The following OTOF variants were observed in gnomAD, a reference collection of about 807,000 sequenced individuals.
OTOF encodes fer-1-like family member 2.
In OTOF, 218 loss-of-function variants were observed where a neutral mutation model predicts 236.8. That is an observed-to-expected ratio of 0.92 (90% CI 0.82 to 1.03). The LOEUF is 1.03. OTOF is among the 50% of genes least tolerant of loss of function. The pLI is 0.00. For missense variants in OTOF, 2,590 were observed against 2,694.4 expected (o/e 0.96, Z 0.86); for synonymous variants, 1,041 against 1,072.5 (o/e 0.97, Z 0.57).
At chr2:26,526,401 G>A (rs1344682696) in intron 3 of OTOF, among the ~76,000 whole-genome samples, 1 of 152,156 alleles carries the variant, frequency 6.6e-6, no homozygotes, top group African/African-American at 2.4e-5. Context: ...ATGAAAGGAT[G>A]GAAGGATGGA....
At chr2:26,558,354 G>T in intron 1 of OTOF, 139 bp downstream of exon 1, 1 of 746,990 alleles carries the variant, frequency 1.3e-6, no homozygotes, top group Non-Finnish European at 2.4e-6. Flanking sequence ...GACTACCTGT[G>T]AAAAGGCTCG....
chr2:26,485,542 G>C (rs1665679759), intron 11 of OTOF, among the ~76,000 whole-genome samples: 1 of 152,236 alleles, frequency 6.6e-6, no homozygotes. Flanking sequence ...AGGCGCTTTA[G>C]GAAGGATTTG....
At chr2:26,459,199 C>T (rs1403293937) in intron 46 of OTOF, among the ~76,000 whole-genome samples, 1 of 152,220 alleles carries the variant, frequency 6.6e-6, no homozygotes, top group Non-Finnish European at 1.5e-5. Flanking sequence ...TGTTGGCTAA[C>T]CCTGGCCACA....
chr2:26,494,659 G>C (rs34621430), intron 9 of OTOF, among the ~76,000 whole-genome samples: 2 of 143,000 alleles, frequency 1.4e-5, no homozygotes, highest in South Asian at 2.4e-4. Flanking sequence ...AGTGGGGTGG[G>C]GGGGGGTTCT....
chr2:26,542,363 C>A (rs758309556), intron 1 of OTOF, among the ~76,000 whole-genome samples: 1 of 152,224 alleles, frequency 6.6e-6, no homozygotes, highest in East Asian at 1.9e-4. Flanking sequence ...TAAGATCATT[C>A]GAATCTGAAC....
At position 26,477,680 on chromosome 2, in the gene OTOF, C is replaced by T; in HGVS notation, c.2284G>A (p.Gly762Ser). 1 of 1,612,524 alleles carries T rather than the reference C, an allele frequency of 6.2e-7. No individual in the cohort carries two copies. Among genetic ancestry groups the T allele is most frequent in the Non-Finnish European group, 8.5e-7 (1 of 1,179,964 alleles). The change falls in exon 19 of 47, where the codon GGC becomes AGC. Residue 762 changes from glycine to serine, a missense_variant. Around this residue, in one of 2 missense-constraint regions of OTOF, gnomAD observed 1,379 missense variants for 1,341.6 expected, o/e 1.03. Coordinates refer to ENST00000272371, the MANE Select transcript of OTOF (RefSeq NM_194248.3). This position sits in a 1 kb window ranked among gnomAD's most constrained non-coding sequence, Gnocchi z 4.7. Reference sequence around the variant, plus strand: ...CCACAGCTCAGCTCCTCCAGGACGCCCCGCAGGCGACGCTCAGGGTAGGAC... The same window carrying T: ...CCACAGCTCAGCTCCTCCAGGACGCTCCGCAGGCGACGCTCAGGGTAGGAC... ...EKSYPERRLRGVLEELSCGCC... is the reference protein window; with the variant it reads ...EKSYPERRLRSVLEELSCGCC...
In OTOF at chr2:26,457,633, T is replaced by A. The variant is rs1664251550; in HGVS notation, c.*605A>T. 1 of 179,670 alleles carries A rather than the reference T, an allele frequency of 5.6e-6. No individual in the cohort carries two copies. Among genetic ancestry groups the A allele is most frequent in the Non-Finnish European group, 1.2e-5 (1 of 84,610 alleles). 11.1% of individuals were successfully genotyped at this position (179,670 alleles called of 1,614,324 possible). A position where few individuals can be genotyped will look rare whatever the true frequency, so the allele number is the denominator to read the frequency against. ...GGCGGGGATACCTTTTGCTCGTTCA[T>A]TCTTTTTAAAGCCCTGGGCACTGAC... On this transcript the variant is annotated 3_prime_UTR_variant, in exon 47 of 47. Coordinates refer to ENST00000272371, the MANE Select transcript of OTOF (RefSeq NM_194248.3). The surrounding 1 kb of genome is among the most constrained non-coding windows in gnomAD (Gnocchi z 4.4).
In OTOF at chr2:26,534,838, C is replaced by T. The variant is rs13425468; in HGVS notation, c.138+2878G>A. 4.1e-3 allele frequency among the ~76,000 whole-genome samples: 618 copies of T among 152,198 alleles called. 5 individuals are homozygous for T. Among genetic ancestry groups the T allele is most frequent in the African/African-American group, 0.013 (555 of 41,512 alleles). ...CCGGCAGGCCCTGGGCAGAGTAAGA[C>T]GGAGAGAAGAGGCTTTCTGGAAAGT... On this transcript the variant is annotated intron_variant, in intron 2 of 46. Coordinates refer to ENST00000272371, the MANE Select transcript of OTOF (RefSeq NM_194248.3).
At chr2:26,516,090 C>G (rs1473447669) in intron 5 of OTOF, among the ~76,000 whole-genome samples, 1 of 152,168 alleles carries the variant, frequency 6.6e-6, no homozygotes, top group East Asian at 1.9e-4. Context: ...GCCAGGGGCC[C>G]TCCTATCCCC....
Position 26,468,474 on chromosome 2 carries a change from G to T in OTOF, c.4024C>A (p.Gln1342Lys). The change falls in exon 33 of 47, where the codon CAA becomes AAA. Residue 1342 changes from glutamine to lysine, a missense_variant and splice_region_variant. This residue lies in a region of OTOF where 1,211 missense variants were observed against 1,352.8 expected (regional missense o/e 0.90). Transcript: ENST00000272371. ...CCAGAGGGCTCTTGTTGTCGAAGTT[G>T]CTGCCAAAAGATGAGATGAAAAGGA... ...YFASIDTMKEQLRQQEPSGID... is the reference protein window; with the variant it reads ...YFASIDTMKEKLRQQEPSGID... The T allele has an allele frequency of 6.2e-7, 1 of 1,613,714 alleles. No individual in the cohort carries two copies. Among genetic ancestry groups the T allele is most frequent in the Non-Finnish European group, 8.5e-7 (1 of 1,179,630 alleles).
chr2:26,463,662 C>T (rs991369221), intron 40 of OTOF, 91 bp from the exon 41 acceptor site: 2 of 1,107,864 alleles, frequency 1.8e-6, no homozygotes, highest in East Asian at 5.2e-5. Context: ...TTTGTTCTGT[C>T]AAGGACCCAG....
Position 26,473,015 on chromosome 2 carries a change from C to T in OTOF, c.3733+117G>A. 1 of 1,140,048 alleles carries T rather than the reference C, an allele frequency of 8.8e-7. No individual in the cohort carries two copies. The highest frequency in any genetic ancestry group is 1.5e-5 in the South Asian group (1 of 68,278). The allele number at this position is 1,140,048 out of a possible 1,614,324, so 70.6% of individuals were successfully genotyped here. On this transcript the variant is annotated intron_variant, in intron 29 of 46. Coordinates refer to ENST00000272371, the MANE Select transcript of OTOF (RefSeq NM_194248.3). The surrounding 1 kb of genome is among the most constrained non-coding windows in gnomAD (Gnocchi z 7.2). ...CCACCAGGGTGACCTTCTTCTATGC[C>T]CACCCCCTCGGCCCCAAAGAGCAAA...
chr2:26,482,901 A>T (rs1228224326), intron 13 of OTOF, among the ~76,000 whole-genome samples: 1 of 60,054 alleles, frequency 1.7e-5, no homozygotes, highest in Non-Finnish European at 3.3e-5. Context: ...GCGTGTGTTA[A>T]TGGGTGCATG....
At chr2:26,493,954 G>C (rs1273678141) in intron 9 of OTOF, among the ~76,000 whole-genome samples, 2 of 152,190 alleles carry the variant, frequency 1.3e-5, no homozygotes. Context: ...CACTTTCGCT[G>C]TTCTTCATGC....
At chr2:26,534,844 G>A (rs953850598) in intron 2 of OTOF, among the ~76,000 whole-genome samples, 23 of 152,208 alleles carry the variant, frequency 1.5e-4, no homozygotes, top group Non-Finnish European at 5.9e-5. Flanking sequence ...AAGACGGAGA[G>A]AAGAGGCTTT....
chr2:26,484,136 T>G (rs1665641879), intron 12 of OTOF, among the ~76,000 whole-genome samples: 1 of 152,264 alleles, frequency 6.6e-6, no homozygotes, highest in South Asian at 2.1e-4. Context: ...TGCTATCAGC[T>G]GCCTGGAATT....
intron 23 of OTOF, 38 bp from the exon 24 acceptor site, chr2:26,476,076 G>A (rs1376107815): frequency 4.1e-5 from 66 of 1,611,634 alleles, no homozygotes; most frequent in Non-Finnish European, 5.3e-5. Context: ...AGGATGGGCA[G>A]CCCCTCCGGC....
intron 13 of OTOF, among the ~76,000 whole-genome samples, chr2:26,482,950 CATGTGTGCACGTGTGAGTGGGT>C (rs1665593962): frequency 8.0e-6 from 1 of 125,282 alleles, no homozygotes; most frequent in African/African-American, 3.2e-5. Context: ...TTCGTGGGTG[CATGTGTGCACGTGTGAGTGGGT>C]ATGCGTGCGT....
At chr2:26,491,283 C>T (rs1401186821) in intron 9 of OTOF, among the ~76,000 whole-genome samples, 2 of 152,038 alleles carry the variant, frequency 1.3e-5, no homozygotes, top group African/African-American at 2.4e-5. Context: ...GTGTCAATGA[C>T]ATCTGGAGGC....
Sources: gnomAD v4.1 joint callset for allele counts (sites outside exome capture counted in the v4.1 genomes callset) on GRCh38, gnomAD v4.1.1 for gene constraint, gnomAD v4.1.1 regional missense constraint, Gnocchi (gnomAD v3.1) non-coding constraint, MANE v1.5 for transcripts, NCBI Gene and HGNC (gene_info 2026-07-23, HGNC 2026-07-21) for gene names.